The following QTRT2 variants were observed in gnomAD, a reference collection of about 807,000 sequenced individuals.
QTRT2 encodes queuine tRNA-ribosyltransferase accessory subunit 2, also known as queuine tRNA-ribosyltransferase domain containing 1.
A neutral mutation model predicts 44.8 loss-of-function variants in QTRT2; 32 were observed. That is an observed-to-expected ratio of 0.71 (90% CI 0.54 to 0.96). The LOEUF is 0.96. Ranked by LOEUF, QTRT2 falls within the 40% of genes least tolerant of loss-of-function variation. The pLI is 0.00. For synonymous variants in QTRT2, 182 were observed against 187.4 expected (o/e 0.97, Z 0.24); for missense variants, 461 against 503.1 (o/e 0.92, Z 0.80).
At chr3:114,073,522 G>A (rs1181597014) in intron 6 of QTRT2, among the ~76,000 whole-genome samples, 1 of 152,124 alleles carries the variant, frequency 6.6e-6, no homozygotes, top group African/African-American at 2.4e-5. Flanking sequence ...TAAGACTACA[G>A]GCACACGCCA....
At chr3:114,074,065 A>G (rs1305111877) in intron 6 of QTRT2, among the ~76,000 whole-genome samples, 1 of 152,172 alleles carries the variant, frequency 6.6e-6, no homozygotes, top group East Asian at 1.9e-4. Context: ...CGGGTGCAGC[A>G]AGAAGAGAGT....
At chr3:114,059,846 A>G (rs1457434528) in intron 2 of QTRT2, among the ~76,000 whole-genome samples, 1 of 152,254 alleles carries the variant, frequency 6.6e-6, no homozygotes, top group African/African-American at 2.4e-5. Flanking sequence ...AAACAACAGA[A>G]GTGAGTATGT....
chr3:114,065,261 A>G lies in QTRT2; in HGVS notation c.4A>G (p.Lys2Glu). M[K>E]LSLTKVVNGC... The stretch of plus-strand genomic sequence containing the variant: ...GGACCTAGAAGAATCCCTTAGGATG[A>G]AGCTGAGTCTTACCAAGGTAGTTAA... Residue 2 changes from lysine to glutamate, a missense_variant, in exon 3 of 10, where the codon AAG (lysine) becomes GAG (glutamate). Coordinates refer to ENST00000281273, the MANE Select transcript of QTRT2 (RefSeq NM_024638.4). 1 of 1,613,946 alleles carries G rather than the reference A, an allele frequency of 6.2e-7. No homozygotes were observed. Among genetic ancestry groups the G allele is most frequent in the Admixed American group, 1.7e-5 (1 of 59,976 alleles).
At chr3:114,077,999 T>C (rs1415473928) in intron 7 of QTRT2, 1 of 152,034 alleles carries the variant, frequency 6.6e-6, no homozygotes, top group Non-Finnish European at 1.5e-5. Context: ...AGGCGCGATT[T>C]TACTACTTTT....
At chr3:114,065,559 T>G in intron 3 of QTRT2, 102 bp downstream of exon 3, 1 of 872,438 alleles carries the variant, frequency 1.1e-6, no homozygotes, top group African/African-American at 1.7e-5. Flanking sequence ...ATATATAAAT[T>G]GTCGATTTTC....
At chr3:114,074,926 T>C (rs1410952955) in intron 6 of QTRT2, among the ~76,000 whole-genome samples, 1 of 152,242 alleles carries the variant, frequency 6.6e-6, no homozygotes, top group African/African-American at 2.4e-5. Flanking sequence ...CCATACTGTG[T>C]ATATATTATG....
rs1307303125 is a variant in QTRT2 at position 114,085,775 on chromosome 3, G to T, written c.1119G>T (p.Leu373=). The change falls in exon 10 of 10, where the codon CTG becomes CTT. Residue 373 remains leucine, a synonymous_variant. Transcript: ENST00000281273. ...ACCATCTGCTGGTGACCAATGAGCTGCTGGCCGGAGTCCTGCTTATGATGC... is the reference window on the plus strand; with the variant it reads ...ACCATCTGCTGGTGACCAATGAGCTTCTGGCCGGAGTCCTGCTTATGATGC... ...YIHHLLVTNE[L]LAGVLLMMHN... 6.2e-7 allele frequency: 1 copy of T among 1,614,214 alleles called. No homozygotes were observed. The highest frequency in any genetic ancestry group is 8.5e-7 in the Non-Finnish European group (1 of 1,180,026).
At chr3:114,077,638 A>C (rs1170204822) in intron 7 of QTRT2, 2 of 151,896 alleles carry the variant, frequency 1.3e-5, no homozygotes, top group Non-Finnish European at 2.9e-5. Flanking sequence ...GTATATTAAG[A>C]AGTTTGGTTG....
At chr3:114,067,162 A>G (rs1204819972) in intron 4 of QTRT2, among the ~76,000 whole-genome samples, 1 of 152,174 alleles carries the variant, frequency 6.6e-6, no homozygotes, top group Admixed American at 6.5e-5. Flanking sequence ...TAGTAGAGGA[A>G]TTTATGGAAT....
At chr3:114,062,128 G>A (rs1230924680) in intron 2 of QTRT2, among the ~76,000 whole-genome samples, 1 of 152,094 alleles carries the variant, frequency 6.6e-6, no homozygotes, top group Non-Finnish European at 1.5e-5. Context: ...CACTTTGGGA[G>A]GTCAAGGCAG....
At chr3:114,062,804 A>G (rs756094796) in intron 2 of QTRT2, among the ~76,000 whole-genome samples, 1 of 152,192 alleles carries the variant, frequency 6.6e-6, no homozygotes, top group Non-Finnish European at 1.5e-5. Flanking sequence ...AGAATCCTAT[A>G]CTTCATTTTT....
intron 9 of QTRT2, 152 bp from the exon 10 acceptor site, chr3:114,085,521 A>G: frequency 1.4e-6 from 1 of 715,434 alleles, no homozygotes; most frequent in South Asian, 1.6e-5. Flanking sequence ...TTAACTTTTA[A>G]CCATATTGCC....
chr3:114,084,220 G>C (rs2077205994), intron 9 of QTRT2, among the ~76,000 whole-genome samples: 1 of 152,046 alleles, frequency 6.6e-6, no homozygotes, highest in Non-Finnish European at 1.5e-5. Context: ...GCACCACCAT[G>C]CCTGGCTAAT....
intron 6 of QTRT2, among the ~76,000 whole-genome samples, chr3:114,071,991 C>T (rs975313153): frequency 6.6e-6 from 1 of 152,198 alleles, no homozygotes; most frequent in Non-Finnish European, 1.5e-5. Flanking sequence ...GCACTCTGAC[C>T]TTTCTGAGTT....
chr3:114,086,239 C>T lies in QTRT2; in HGVS notation c.*335C>T, dbSNP rs1296170569. ...GTGGGAGTGATGAGATTCTGAGGGA[C>T]CCATGAATTGGATTGAGGCTTGAGG... On this transcript the variant is annotated 3_prime_UTR_variant, in exon 10 of 10. Coordinates refer to ENST00000281273, the MANE Select transcript of QTRT2 (RefSeq NM_024638.4). 3.3e-6 allele frequency: 1 copy of T among 305,942 alleles called. No individual in the cohort carries two copies. The highest frequency in any genetic ancestry group is 6.3e-6 in the Non-Finnish European group (1 of 158,080). The allele number at this position is 305,942 out of a possible 1,614,324, so 19.0% of individuals were successfully genotyped here. A position where few individuals can be genotyped will look rare whatever the true frequency, so the allele number is the denominator to read the frequency against.
At position 114,057,044 on chromosome 3, in the gene QTRT2, C is replaced by T; in HGVS notation, c.-84C>T. On this transcript the variant is annotated 5_prime_UTR_variant, in exon 2 of 10. Transcript: ENST00000281273. The stretch of plus-strand genomic sequence containing the variant: ...TCTGTAAGTTCAGATTCTCATAAAT[C>T]GTGTGAGCGTCGCCGACACCTCTGA... 1.4e-6 allele frequency: 2 copies of T among 1,383,748 alleles called. No homozygotes were observed. The highest frequency in any genetic ancestry group is 1.9e-6 in the Non-Finnish European group (2 of 1,072,094). 85.7% of individuals were successfully genotyped at this position (1,383,748 alleles called of 1,614,324 possible). A position where few individuals can be genotyped will look rare whatever the true frequency, so the allele number is the denominator to read the frequency against.
intron 9 of QTRT2, among the ~76,000 whole-genome samples, chr3:114,084,915 G>T (rs1182528428): frequency 6.6e-6 from 1 of 152,218 alleles, no homozygotes; most frequent in African/African-American, 2.4e-5. Flanking sequence ...GACAGTGTAT[G>T]TGAAAGTATT....
chr3:114,081,480 A>G (rs1203451523), intron 8 of QTRT2, among the ~76,000 whole-genome samples: 4 of 152,222 alleles, frequency 2.6e-5, no homozygotes, highest in South Asian at 2.1e-4. Flanking sequence ...GATGAAAATT[A>G]TAAGAAAACC....
At position 114,076,870 on chromosome 3, in the gene QTRT2, A is replaced by G; in HGVS notation, c.674A>G (p.Asn225Ser). ...TTCCTTCTGGATGGTTTTCAAGGAAATCCAACAACCCTGGAGGCTAGACTA... is the reference window on the plus strand; with the variant it reads ...TTCCTTCTGGATGGTTTTCAAGGAAGTCCAACAACCCTGGAGGCTAGACTA... Reference protein sequence around the residue: ...GGFLLDGFQGNPTTLEARLRL... With the variant: ...GGFLLDGFQGSPTTLEARLRL... Residue 225 changes from asparagine (N) to serine (S), a missense_variant, in exon 7 of 10, where the codon AAT becomes AGT. Asn to Ser is a conservative substitution (Grantham distance 46). Coordinates refer to ENST00000281273, the MANE Select transcript of QTRT2 (RefSeq NM_024638.4). 1 of 1,614,194 alleles carries G rather than the reference A, an allele frequency of 6.2e-7. No individual in the cohort carries two copies.
Sources: gnomAD v4.1 joint callset for allele counts (sites outside exome capture counted in the v4.1 genomes callset) on GRCh38, gnomAD v4.1.1 for gene constraint, MANE v1.5 for transcripts, NCBI Gene and HGNC (gene_info 2026-07-23, HGNC 2026-07-21) for gene names.